The following GNG12 variants were observed in gnomAD, a reference collection of about 807,000 sequenced individuals.
GNG12 encodes guanine nucleotide-binding protein G(I)/G(S)/G(O) subunit gamma-12.
For missense variants in GNG12, 69 were observed against 83.8 expected (o/e 0.82, Z 0.69); for synonymous variants, 28 against 29.7 (o/e 0.94, Z 0.19).
At chr1:67,710,825 AT>A (rs1646291039) in intron 2 of GNG12, among the ~76,000 whole-genome samples, 2 of 152,256 alleles carry the variant, frequency 1.3e-5, no homozygotes, top group South Asian at 4.2e-4. Flanking sequence ...CCAATGGGGT[AT>A]TCCTGCTGGT....
At chr1:67,719,322 C>A (rs1646344150) in intron 2 of GNG12, among the ~76,000 whole-genome samples, 1 of 152,158 alleles carries the variant, frequency 6.6e-6, no homozygotes, top group South Asian at 2.1e-4. Context: ...GTAATTAATT[C>A]CCTTCATGAA....
chr1:67,725,553 G>A (rs941349060), intron 2 of GNG12, among the ~76,000 whole-genome samples: 3 of 152,192 alleles, frequency 2.0e-5, no homozygotes, highest in African/African-American at 7.2e-5. Flanking sequence ...GATACAAGAT[G>A]TTCCCAAGTC....
chr1:67,817,146 A>G (rs1646957792), intron 1 of GNG12, among the ~76,000 whole-genome samples: 1 of 152,372 alleles, frequency 6.6e-6, no homozygotes, highest in South Asian at 2.1e-4. Flanking sequence ...ATAAAGCTAC[A>G]TAATTCAATG....
intron 2 of GNG12, among the ~76,000 whole-genome samples, chr1:67,761,202 T>C (rs1036148637): frequency 2.6e-5 from 4 of 152,212 alleles, no homozygotes; most frequent in Non-Finnish European, 4.4e-5. Context: ...TGCTGGTCAA[T>C]ATTTATGAAT....
At chr1:67,778,808 A>G (rs1330381060) in intron 1 of GNG12, among the ~76,000 whole-genome samples, 1 of 152,194 alleles carries the variant, frequency 6.6e-6, no homozygotes, top group Admixed American at 6.5e-5. Flanking sequence ...AAATAAGATA[A>G]TTACTTTCAG....
chr1:67,816,702 C>T (rs993717086), intron 1 of GNG12, among the ~76,000 whole-genome samples: 4 of 152,188 alleles, frequency 2.6e-5, no homozygotes, highest in East Asian at 1.9e-4. Context: ...CTGACTCCTG[C>T]GTACTCAGCC....
At chr1:67,744,231 G>C (rs1026398230) in intron 2 of GNG12, among the ~76,000 whole-genome samples, 3 of 152,162 alleles carry the variant, frequency 2.0e-5, no homozygotes, top group Non-Finnish European at 2.9e-5. Flanking sequence ...ATTACAGCTA[G>C]CAAGTCATAG....
At chr1:67,741,826 A>C (rs1419813519) in intron 2 of GNG12, among the ~76,000 whole-genome samples, 1 of 152,232 alleles carries the variant, frequency 6.6e-6, no homozygotes, top group Non-Finnish European at 1.5e-5. Flanking sequence ...GCTAACATTC[A>C]GAAATTGGGA....
Position 67,833,394 on chromosome 1 carries a change from G to C in GNG12, c.-127C>G. On this transcript the variant is annotated 5_prime_UTR_variant, in exon 1 of 4. Transcript: ENST00000370982. ...GTCGCCGCCGGGACTCGGTCTCTAA[G>C]GGCTCCTGGAGACGGCTCCGACCTC... The C allele has an allele frequency of 1.0e-6, 1 of 985,546 alleles. No individual in the cohort carries two copies. Among genetic ancestry groups the C allele is most frequent in the Non-Finnish European group, 1.2e-6 (1 of 830,194 alleles). The allele number at this position is 985,546 out of a possible 1,614,324, so 61.1% of individuals were successfully genotyped here. A position where few individuals can be genotyped will look rare whatever the true frequency, so the allele number is the denominator to read the frequency against.
At chr1:67,751,053 T>G (rs1646535789) in intron 2 of GNG12, among the ~76,000 whole-genome samples, 1 of 152,130 alleles carries the variant, frequency 6.6e-6, no homozygotes, top group Admixed American at 6.5e-5. Flanking sequence ...TTCACCAGTT[T>G]TTAACCTCAG....
chr1:67,772,384 C>T (rs1646680018), intron 2 of GNG12, among the ~76,000 whole-genome samples: 1 of 152,162 alleles, frequency 6.6e-6, no homozygotes, highest in Admixed American at 6.5e-5. Flanking sequence ...GACACCAAAC[C>T]TGAAGTAGGT....
chr1:67,715,958 C>T (rs1272138255), intron 2 of GNG12, among the ~76,000 whole-genome samples: 2 of 152,196 alleles, frequency 1.3e-5, no homozygotes, highest in Non-Finnish European at 2.9e-5. Context: ...AATTCTTTCT[C>T]TTTCTCCCCA....
intron 2 of GNG12, among the ~76,000 whole-genome samples, chr1:67,730,273 G>T (rs182583311): frequency 6.6e-6 from 1 of 152,322 alleles, no homozygotes; most frequent in Admixed American, 6.5e-5. Context: ...GTCAAGGCAG[G>T]CAGATTACAT....
intron 2 of GNG12, among the ~76,000 whole-genome samples, chr1:67,751,528 C>T (rs1445969928): frequency 1.3e-5 from 2 of 152,178 alleles, no homozygotes; most frequent in African/African-American, 4.8e-5. Context: ...TGGGGAAACA[C>T]TGTCCCCTGT....
At chr1:67,751,860 G>A (rs1430029066) in intron 2 of GNG12, among the ~76,000 whole-genome samples, 3 of 152,178 alleles carry the variant, frequency 2.0e-5, no homozygotes, top group East Asian at 1.9e-4. Flanking sequence ...GGTACTGAAT[G>A]AGGTGAGCCT....
rs150388367 is a variant in GNG12, at chr1:67,737,630, T to C, written c.-26-29918A>G. Among the ~76,000 whole-genome samples, 13 of 152,200 alleles carry C rather than the reference T, an allele frequency of 8.5e-5. No homozygotes were observed. The East Asian group carries it at 2.3e-3, about 27-fold the overall frequency. On this transcript the variant is annotated intron_variant, in intron 2 of 3. Transcript: ENST00000370982. ...ACTTTCTTTTTTTTTTTTAAATGTA[T>C]AAGCACTAGCTTTTCCCTGCTCCAA...
rs1223181383 is a variant in GNG12, at chr1:67,787,023, A to G, written c.-76-9516T>C. On this transcript the variant is annotated intron_variant, in intron 1 of 3. Transcript: ENST00000370982. ...TGTGTATATCTGTGTGTGTGTATAT[A>G]TGTATGTGTATAAGTGTGTGTGTGT... Among the ~76,000 whole-genome samples the G allele has an allele frequency of 3.2e-5, 4 of 123,434 alleles. No individual in the cohort carries two copies. In the East Asian group the frequency reaches 9.9e-4, roughly 31 times the overall value. The allele number at this position is 123,434 out of a possible 152,430, so 81.0% of individuals were successfully genotyped here.
intron 1 of GNG12, among the ~76,000 whole-genome samples, chr1:67,796,814 T>C (rs556018801): frequency 6.6e-6 from 1 of 152,184 alleles, no homozygotes; most frequent in Non-Finnish European, 1.5e-5. Context: ...AAGAGGTTTA[T>C]TGGGCTCACA....
chr1:67,794,215 G>A (rs1646817071), intron 1 of GNG12, among the ~76,000 whole-genome samples: 1 of 152,166 alleles, frequency 6.6e-6, no homozygotes, highest in Admixed American at 6.6e-5. Context: ...CCACCAGAGA[G>A]TCCTCAACAT....
Sources: gnomAD v4.1 joint callset for allele counts (sites outside exome capture counted in the v4.1 genomes callset) on GRCh38, gnomAD v4.1.1 for gene constraint, MANE v1.5 for transcripts, NCBI Gene and HGNC (gene_info 2026-07-23, HGNC 2026-07-21) for gene names.